The following CCDC148 variants were observed in gnomAD, a reference collection of about 807,000 sequenced individuals.
CCDC148 encodes coiled-coil domain containing 148.
In CCDC148, 89 loss-of-function variants were observed where a neutral mutation model predicts 85.7. That is an observed-to-expected ratio of 1.04 (90% CI 0.87 to 1.24). CCDC148 has a LOEUF of 1.24. Ranked by LOEUF, CCDC148 falls within the 50% of genes most tolerant of loss-of-function variation. The pLI, the probability that CCDC148 is intolerant of heterozygous loss-of-function variation, is 0.00. For synonymous variants in CCDC148, 230 were observed against 213.9 expected (o/e 1.08, Z -0.66); for missense variants, 692 against 671.7 (o/e 1.03, Z -0.33).
intron 1 of CCDC148, among the ~76,000 whole-genome samples, chr2:158,361,915 A>G (rs562919093): frequency 1.3e-5 from 2 of 150,800 alleles, no homozygotes; most frequent in Non-Finnish European, 3.0e-5. Flanking sequence ...CGCTGTATTC[A>G]GGAGATCCAT....
intron 11 of CCDC148, among the ~76,000 whole-genome samples, chr2:158,210,672 G>A (rs1271167877): frequency 1.3e-5 from 2 of 151,400 alleles, no homozygotes; most frequent in African/African-American, 2.4e-5. Context: ...GGCCGGGTGC[G>A]GTGGCTCACA....
chr2:158,290,721 A>C (rs1690849256), intron 9 of CCDC148, among the ~76,000 whole-genome samples: 1 of 152,108 alleles, frequency 6.6e-6, no homozygotes, highest in South Asian at 2.1e-4. Context: ...TAGTCATCTT[A>C]ACTTGCATTA....
chr2:158,202,211 G>A (rs796193128), intron 11 of CCDC148, among the ~76,000 whole-genome samples: 30 of 152,182 alleles, frequency 2.0e-4, no homozygotes, highest in African/African-American at 6.0e-4. Context: ...ATACACATAC[G>A]CACAATCACT....
At chr2:158,443,289 G>A (rs1201687418) in intron 1 of CCDC148, among the ~76,000 whole-genome samples, 4 of 151,934 alleles carry the variant, frequency 2.6e-5, no homozygotes, top group African/African-American at 9.7e-5. Context: ...CTGGCCAGAA[G>A]TTTGATACCA....
chr2:158,265,580 T>C (rs1358497769), intron 9 of CCDC148, among the ~76,000 whole-genome samples: 2 of 152,162 alleles, frequency 1.3e-5, no homozygotes, highest in African/African-American at 4.8e-5. Context: ...TTTAAAGAGT[T>C]AGTAGCATGT....
intron 9 of CCDC148, among the ~76,000 whole-genome samples, chr2:158,277,832 G>A (rs2105170053): frequency 6.6e-6 from 1 of 152,262 alleles, no homozygotes; most frequent in African/African-American, 2.4e-5. Flanking sequence ...TCCTGACCTT[G>A]TGATCCGCCC....
intron 1 of CCDC148, among the ~76,000 whole-genome samples, chr2:158,377,242 T>C (rs1684689838): frequency 6.6e-6 from 1 of 151,808 alleles, no homozygotes; most frequent in Non-Finnish European, 1.5e-5. Context: ...AGGGATAGTT[T>C]TTCTTTCTGC....
intron 9 of CCDC148, among the ~76,000 whole-genome samples, chr2:158,306,601 T>G (rs1354613581): frequency 6.6e-6 from 1 of 151,470 alleles, no homozygotes; most frequent in Non-Finnish European, 1.5e-5. Context: ...CACTGCATGT[T>G]CTCACTCATA....
intron 1 of CCDC148, among the ~76,000 whole-genome samples, chr2:158,415,021 T>C (rs1398519441): frequency 6.6e-6 from 1 of 152,094 alleles, no homozygotes; most frequent in Non-Finnish European, 1.5e-5. Flanking sequence ...TGGTATGTAT[T>C]ACTTACCAAA....
At chr2:158,351,452 C>T (rs375007609) in intron 2 of CCDC148, among the ~76,000 whole-genome samples, 1,192 of 74,204 alleles carry the variant, frequency 0.016, 22 homozygotes, top group African/African-American at 0.055. Context: ...AGTTCCCTTT[C>T]CGAGTCAAAG....
chr2:158,247,594 C>T (rs1274598058), intron 10 of CCDC148, among the ~76,000 whole-genome samples: 2 of 152,160 alleles, frequency 1.3e-5, no homozygotes, highest in African/African-American at 2.4e-5. Context: ...TGGTAGCTCA[C>T]ACCTGTAATC....
chr2:158,376,612 G>C (rs1684660847), intron 1 of CCDC148, among the ~76,000 whole-genome samples: 1 of 151,918 alleles, frequency 6.6e-6, no homozygotes, highest in Non-Finnish European at 1.5e-5. Flanking sequence ...AAATTTGAAA[G>C]ATCTCCAGGT....
chr2:158,433,074 CAAAAAAA>C (rs755383954), intron 1 of CCDC148, among the ~76,000 whole-genome samples: 2 of 74,014 alleles, frequency 2.7e-5, no homozygotes, highest in African/African-American at 1.0e-4. Context: ...CTCATCTCTA[CAAAAAAA>C]AAAAAAAAAA....
chr2:158,225,605 C>G (rs4617996), intron 10 of CCDC148, among the ~76,000 whole-genome samples: 99,998 of 152,078 alleles, frequency 0.66, 34,060 homozygotes, highest in East Asian at 0.89. Context: ...AACAAACTGT[C>G]TGTCAGACCA....
chr2:158,431,687 C>T (rs1687360826), intron 1 of CCDC148, among the ~76,000 whole-genome samples: 1 of 152,114 alleles, frequency 6.6e-6, no homozygotes, highest in African/African-American at 2.4e-5. Context: ...CCTATAACCC[C>T]AGCACTTTAG....
At chr2:158,264,834 C>T (rs1689387101) in intron 9 of CCDC148, among the ~76,000 whole-genome samples, 1 of 152,036 alleles carries the variant, frequency 6.6e-6, no homozygotes, top group African/African-American at 2.4e-5. Context: ...TTATTCTTTT[C>T]CATAAAGTCT....
intron 7 of CCDC148, among the ~76,000 whole-genome samples, chr2:158,330,272 GT>G (rs1349959221): frequency 2.6e-5 from 4 of 151,950 alleles, no homozygotes; most frequent in Non-Finnish European, 5.9e-5. Flanking sequence ...TAATCATATG[GT>G]TTTTGTCTTT....
chr2:158,263,172 T>C (rs964815575), intron 9 of CCDC148, among the ~76,000 whole-genome samples: 1 of 152,046 alleles, frequency 6.6e-6, no homozygotes, highest in Non-Finnish European at 1.5e-5. Flanking sequence ...GGATTTGGAC[T>C]CTAAGGGAAC....
At chr2:158,349,695 A>G (rs1445572405) in intron 2 of CCDC148, among the ~76,000 whole-genome samples, 1 of 152,034 alleles carries the variant, frequency 6.6e-6, no homozygotes, top group Non-Finnish European at 1.5e-5. Context: ...AAATTAGAAG[A>G]CTCCAAAAAA....
Sources: allele counts gnomAD v4.1 joint callset (sites outside exome capture counted in the v4.1 genomes callset), GRCh38; gene constraint gnomAD v4.1.1; transcripts MANE v1.5; gene names NCBI Gene and HGNC (gene_info 2026-07-23, HGNC 2026-07-21).